DMD: variants seen among roughly 807,000 people sequenced by gnomAD.
DMD encodes the protein dystrophin.
DMD carries 63 observed loss-of-function variants against 330.1 expected under a neutral mutation model. The ratio of observed to expected loss-of-function variants is 0.19; its 90% CI spans 0.16 to 0.24. The LOEUF (loss-of-function observed/expected upper bound fraction) is 0.24. DMD is among the 10% of genes least tolerant of loss of function. The pLI, the probability that DMD is intolerant of heterozygous loss-of-function variation, is 1.00. For synonymous variants in DMD, 1,223 were observed against 959.8 expected (o/e 1.27, Z -5.07); for missense variants, 3,344 against 2,684.1 (o/e 1.25, Z -5.43).
At chrX:32,265,762 G>T (rs1256086358) in intron 43 of DMD, among the ~76,000 whole-genome samples, 2 of 112,444 alleles carry the variant, frequency 1.8e-5, no homozygotes, top group Non-Finnish European at 3.8e-5. Context: ...CATGCATGGA[G>T]CCTGGAGCCC....
At chrX:32,358,729 C>T (rs749821269) in intron 37 of DMD, among the ~76,000 whole-genome samples, 5 of 111,133 alleles carry the variant, frequency 4.5e-5, no homozygotes, top group Non-Finnish European at 9.4e-5. Context: ...TGACTCCAGT[C>T]GATTACAGCA....
chrX:31,722,594 C>G (rs933880216), intron 52 of DMD, among the ~76,000 whole-genome samples: 4 of 111,274 alleles, frequency 3.6e-5, no homozygotes, highest in Non-Finnish European at 7.5e-5. Flanking sequence ...AGGGCTGCAT[C>G]AGAAACCTGG....
intron 51 of DMD, among the ~76,000 whole-genome samples, chrX:31,749,371 C>G (rs772315828): frequency 1.0e-5 from 1 of 97,505 alleles, no homozygotes; most frequent in Non-Finnish European, 2.0e-5. Context: ...TCAATTCCCA[C>G]CTATGAATGA....
chrX:31,779,280 T>C (rs928614506), intron 50 of DMD, among the ~76,000 whole-genome samples: 2 of 111,985 alleles, frequency 1.8e-5, no homozygotes, highest in African/African-American at 6.5e-5. Context: ...CTAAGGAGCA[T>C]GGGAAATGGC....
At position 32,418,971 on chromosome X, in the gene DMD, T is replaced by TAAAAAAAA. The variant is rs1569561948; in HGVS notation, c.4072-7059_4072-7058insTTTTTTTT. On this transcript the variant is annotated intron_variant, in intron 29 of 78. Transcript: ENST00000357033. ...CTGGGTGACAGAGTGAGACTCTGTC[T>TAAAAAAAA]CAAAAAAAAAAAAAAAAAAAAAAAA... Among the ~76,000 whole-genome samples, 6 of 18,925 alleles carry TAAAAAAAA rather than the reference T, an allele frequency of 3.2e-4. No homozygotes were observed. In the African/African-American group the frequency reaches 5.1e-3, roughly 16 times the overall value. The allele number at this position is 18,925 out of a possible 115,157, so 16.4% of individuals were successfully genotyped here.
At chrX:33,238,192 G>C (rs972314776) in intron 1 of DMD, among the ~76,000 whole-genome samples, 5 of 111,810 alleles carry the variant, frequency 4.5e-5, no homozygotes, top group Non-Finnish European at 3.8e-5. Flanking sequence ...CATTTTAAAG[G>C]GTACTCTTGA....
chrX:31,191,595 GCT>G (rs1454979404), intron 67 of DMD, among the ~76,000 whole-genome samples: 2 of 111,207 alleles, frequency 1.8e-5, no homozygotes, highest in Non-Finnish European at 3.8e-5. Flanking sequence ...CTCTGCACAA[GCT>G]CTTTTTTTGC....
intron 60 of DMD, among the ~76,000 whole-genome samples, chrX:31,411,009 C>T (rs2061621383): frequency 9.4e-6 from 1 of 106,614 alleles, no homozygotes; most frequent in Non-Finnish European, 1.9e-5. Context: ...CAAGTGATCC[C>T]CCTGCTTCGG....
chrX:32,792,931 T>G (rs919512290), intron 7 of DMD, among the ~76,000 whole-genome samples: 1 of 112,122 alleles, frequency 8.9e-6, no homozygotes, highest in African/African-American at 3.2e-5. Flanking sequence ...AAACATTGGC[T>G]TGAAACTGCT....
chrX:33,044,825 GA>G (rs1481915989), intron 1 of DMD, among the ~76,000 whole-genome samples: 1 of 111,976 alleles, frequency 8.9e-6, no homozygotes, highest in Non-Finnish European at 1.9e-5. Flanking sequence ...CTGAATACCA[GA>G]AGGAATTCAT....
chrX:31,921,990 A>G (rs781054355), intron 47 of DMD, among the ~76,000 whole-genome samples: 2 of 111,931 alleles, frequency 1.8e-5, no homozygotes, highest in Non-Finnish European at 3.8e-5. Context: ...CATAACACCC[A>G]TAGCCCTTGT....
chrX:32,353,993 A>G (rs190290068), intron 37 of DMD, among the ~76,000 whole-genome samples: 7 of 111,926 alleles, frequency 6.3e-5, no homozygotes, highest in Non-Finnish European at 1.3e-4. Flanking sequence ...GAAGAAAAGC[A>G]AGATCAATTA....
intron 21 of DMD, among the ~76,000 whole-genome samples, chrX:32,473,970 TTC>T (rs1371722401): frequency 9.1e-6 from 1 of 110,011 alleles, no homozygotes; most frequent in Non-Finnish European, 1.9e-5. Flanking sequence ...TTGTAGTCTT[TTC>T]TCTCTCCCCC....
At chrX:32,544,959 A>C (rs1164707542) in intron 17 of DMD, among the ~76,000 whole-genome samples, 200 bp downstream of exon 17, 1 of 111,341 alleles carries the variant, frequency 9.0e-6, no homozygotes, top group Non-Finnish European at 1.9e-5. Flanking sequence ...CATTTCCATT[A>C]AGCATTTACT....
chrX:31,754,467 C>T (rs769179050), intron 51 of DMD, among the ~76,000 whole-genome samples: 9 of 110,907 alleles, frequency 8.1e-5, no homozygotes, highest in Non-Finnish European at 1.7e-4. Flanking sequence ...GAGAGACAGA[C>T]TGACTCATTA....
At chrX:32,962,262 T>C (rs1037461119) in intron 2 of DMD, among the ~76,000 whole-genome samples, 1 of 111,988 alleles carries the variant, frequency 8.9e-6, no homozygotes, top group African/African-American at 3.2e-5. Context: ...AAGACAACAT[T>C]GGCAGACACA....
intron 37 of DMD, among the ~76,000 whole-genome samples, chrX:32,362,076 A>G (rs2097837946): frequency 1.8e-5 from 2 of 111,931 alleles, no homozygotes; most frequent in South Asian, 7.4e-4. Context: ...ACACAAATAT[A>G]AAGTCTATCA....
At chrX:33,305,894 A>G (rs2053755312) in intron 1 of DMD, among the ~76,000 whole-genome samples, 1 of 112,130 alleles carries the variant, frequency 8.9e-6, no homozygotes. Context: ...GCACAGAGGA[A>G]AAATTACTGA....
chrX:32,544,058 T>C (rs768030372), intron 17 of DMD, among the ~76,000 whole-genome samples: 1 of 112,050 alleles, frequency 8.9e-6, no homozygotes, highest in African/African-American at 3.2e-5. Context: ...AAAACACTTC[T>C]TGGCTGATGA....
Sources: allele counts gnomAD v4.1 joint callset (sites outside exome capture counted in the v4.1 genomes callset), GRCh38; gene constraint gnomAD v4.1.1; transcripts MANE v1.5; gene names NCBI Gene and HGNC (gene_info 2026-07-23, HGNC 2026-07-21).